Variants in UNC79 observed in about 807,000 individuals in gnomAD.
UNC79 encodes the protein protein unc-79 homolog.
Under a neutral mutation model 283.1 loss-of-function variants are expected in UNC79, and 37 were observed. The observed-to-expected ratio is 0.13, with a 90% CI of 0.10 to 0.17. UNC79 has a LOEUF of 0.17. Among genes scored for constraint, UNC79 ranks in the 10% least tolerant of loss-of-function variants. UNC79 has a pLI of 1.00. For synonymous variants in UNC79, 1,107 were observed against 1,200.2 expected (o/e 0.92, Z 1.61); for missense variants, 2,272 against 3,211.1 (o/e 0.71, Z 7.07).
chr14:93,437,497 C>A (rs1445362519), intron 1 of UNC79: 2 of 152,056 alleles, frequency 1.3e-5, no homozygotes, highest in Admixed American at 6.6e-5. Context: ...GAGCACTTAC[C>A]CTCTATCTGT....
chr14:93,686,606 A>C, exon 43 of UNC79: 1 of 1,614,170 alleles, frequency 6.2e-7, no homozygotes. Context: ...GTGAGGCAGT[A>C]CATCAACGAA....
intron 11 of UNC79, among the ~76,000 whole-genome samples, chr14:93,533,611 G>A (rs1320354570): frequency 6.6e-6 from 1 of 152,092 alleles, no homozygotes; most frequent in Non-Finnish European, 1.5e-5. Flanking sequence ...GGCTAGGCTG[G>A]ACTTGTTCAC....
At chr14:93,449,714 G>A (rs556604034) in intron 1 of UNC79, among the ~76,000 whole-genome samples, 2 of 152,084 alleles carry the variant, frequency 1.3e-5, no homozygotes, top group Non-Finnish European at 2.9e-5. Context: ...CATGCGACTG[G>A]GTTCATGCTT....
intron 23 of UNC79, 128 bp from the exon 24 acceptor site, chr14:93,597,231 C>T (rs2065142656): frequency 1.1e-6 from 1 of 918,358 alleles, no homozygotes; most frequent in Non-Finnish European, 1.7e-6. Context: ...TAAAGTAAAC[C>T]ATGCGGGAGA....
At chr14:93,371,076 A>G (rs187453593) in intron 1 of UNC79, among the ~76,000 whole-genome samples, 1 of 151,708 alleles carries the variant, frequency 6.6e-6, no homozygotes, top group East Asian at 1.9e-4. Context: ...CCAAAACAAA[A>G]CAAAACAACA....
At chr14:93,417,845 GT>G (rs1035752037) in intron 1 of UNC79, among the ~76,000 whole-genome samples, 1 of 151,704 alleles carries the variant, frequency 6.6e-6, no homozygotes, top group Non-Finnish European at 1.5e-5. Flanking sequence ...TCTTCACGTA[GT>G]TCTCGAGCCT....
At chr14:93,390,650 A>G (rs753232886) in intron 1 of UNC79, among the ~76,000 whole-genome samples, 6 of 152,196 alleles carry the variant, frequency 3.9e-5, no homozygotes, top group Non-Finnish European at 7.4e-5. Flanking sequence ...AAACAGATGT[A>G]GTTCTGTATG....
Position 93,439,383 on chromosome 14 carries a change from GT to G in UNC79, c.22+8342del, listed in dbSNP as rs1018477912. On this transcript the variant is annotated intron_variant, in intron 1 of 48. Coordinates refer to ENST00000555664, the Ensembl canonical transcript of UNC79. ...TATCTGTCAATTCTTATTTTGTTAA[GT>G]TTTTTTTTTAAACCGAAATGGGTGT... Among the ~76,000 whole-genome samples, 8 of 149,244 alleles carry G rather than the reference GT, an allele frequency of 5.4e-5. No individual in the cohort carries two copies. The East Asian group carries it at 5.9e-4, about 11-fold the overall frequency.
At chr14:93,572,992 A>C (rs542296567) in intron 16 of UNC79, among the ~76,000 whole-genome samples, 176 bp downstream of exon 16, 1 of 152,342 alleles carries the variant, frequency 6.6e-6, no homozygotes, top group South Asian at 2.1e-4. Context: ...ATGTTGCTCT[A>C]GTTGTGGTTA....
At chr14:93,686,360 C>T (rs1480965416) in intron 42 of UNC79, among the ~76,000 whole-genome samples, 1 of 152,200 alleles carries the variant, frequency 6.6e-6, no homozygotes. Flanking sequence ...CCATAGGCCT[C>T]TCCTGTTTCT....
At chr14:93,563,956 T>C (rs2062720222) in intron 14 of UNC79, among the ~76,000 whole-genome samples, 1 of 151,818 alleles carries the variant, frequency 6.6e-6, no homozygotes, top group Admixed American at 6.6e-5. Flanking sequence ...AGAGAGTGAG[T>C]TGAGCATAGT....
chr14:93,653,767 G>A (rs777801386), exon 36 of UNC79: 1 of 1,612,774 alleles, frequency 6.2e-7, no homozygotes, highest in South Asian at 1.1e-5. Flanking sequence ...CAATGCGGCG[G>A]GGGTGGCCAA....
intron 2 of UNC79, among the ~76,000 whole-genome samples, chr14:93,472,574 AG>A (rs1184428972): frequency 3.9e-5 from 6 of 152,134 alleles, no homozygotes; most frequent in Non-Finnish European, 8.8e-5. Context: ...ATTGGGTAAC[AG>A]AAGACAAAGG....
At chr14:93,644,588 T>G (rs2069394444) in intron 34 of UNC79, among the ~76,000 whole-genome samples, 2 of 152,112 alleles carry the variant, frequency 1.3e-5, no homozygotes, top group African/African-American at 4.8e-5. Flanking sequence ...GAGAGAGAGC[T>G]AAGTGCTAGA....
Position 93,688,609 on chromosome 14 carries a change from G to A in UNC79, c.6910-56G>A. The A allele has an allele frequency of 4.5e-6, 7 of 1,562,826 alleles. No individual in the cohort carries two copies. Among genetic ancestry groups the A allele is most frequent in the Non-Finnish European group, 6.1e-6 (7 of 1,147,802 alleles). On this transcript the variant is annotated intron_variant, in intron 43 of 48. Coordinates refer to ENST00000555664, the Ensembl canonical transcript of UNC79. The surrounding 1 kb of genome is among the most constrained non-coding windows in gnomAD (Gnocchi z 4.0). The stretch of plus-strand genomic sequence containing the variant: ...GACAACCTCTTCTTTTCAAAGAATG[G>A]CCTGGAATGAATCCAGGTGTCTGCC...
chr14:93,618,303 C>A (rs780180882), exon 29 of UNC79: 23 of 1,613,880 alleles, frequency 1.4e-5, no homozygotes, highest in Non-Finnish European at 1.9e-5. Flanking sequence ...CACGGCAGGA[C>A]CTTTGTACAG....
intron 47 of UNC79, among the ~76,000 whole-genome samples, chr14:93,695,080 C>T (rs548928015): frequency 1.3e-5 from 2 of 152,158 alleles, no homozygotes; most frequent in East Asian, 3.8e-4. Flanking sequence ...ACTTGGTTTC[C>T]CACTCCGTTT....
intron 1 of UNC79, among the ~76,000 whole-genome samples, chr14:93,341,091 A>G (rs1484194039): frequency 6.6e-6 from 1 of 152,178 alleles, no homozygotes; most frequent in Non-Finnish European, 1.5e-5. Context: ...TCATGTCAGT[A>G]TAACAGAAAT....
At chr14:93,381,772 CAA>C (rs1440420109) in intron 1 of UNC79, among the ~76,000 whole-genome samples, 1 of 152,160 alleles carries the variant, frequency 6.6e-6, no homozygotes, top group African/African-American at 2.4e-5. Flanking sequence ...CAAAGAAAGA[CAA>C]AAGTGTCCTC....
Sources: allele counts gnomAD v4.1 joint callset (sites outside exome capture counted in the v4.1 genomes callset), GRCh38; gene constraint gnomAD v4.1.1; non-coding constraint Gnocchi (gnomAD v3.1); transcripts MANE v1.5; gene names NCBI Gene and HGNC (gene_info 2026-07-23, HGNC 2026-07-21).